TBCK: variants seen among roughly 807,000 people sequenced by gnomAD.
The protein encoded by TBCK is TBC1 domain containing kinase.
A neutral mutation model predicts 113.4 loss-of-function variants in TBCK; 99 were observed. That is an observed-to-expected ratio of 0.87 (90% confidence interval 0.74 to 1.03). The LOEUF is 1.03. TBCK is among the 50% of genes least tolerant of loss of function. The pLI, the probability that TBCK is intolerant of heterozygous loss-of-function variation, is 0.00. For synonymous variants in TBCK, 369 were observed against 370.8 expected (o/e 1.00, Z 0.05); for missense variants, 1,045 against 1,061.3 (o/e 0.98, Z 0.21).
At chr4:106,281,929 TAGA>T (rs1171493254) in intron 3 of TBCK, among the ~76,000 whole-genome samples, 4 of 152,118 alleles carry the variant, frequency 2.6e-5, no homozygotes, top group African/African-American at 9.7e-5. Context: ...AGAATGAGCT[TAGA>T]AGAATTCCTT....
intron 25 of TBCK, among the ~76,000 whole-genome samples, chr4:106,069,773 T>A (rs1210545324): frequency 2.0e-5 from 3 of 152,232 alleles, no homozygotes; most frequent in African/African-American, 7.2e-5. Context: ...TTCCTATCCA[T>A]GAGCATGGAA....
chr4:106,176,592 T>G (rs1375413183), intron 22 of TBCK, among the ~76,000 whole-genome samples: 1 of 152,054 alleles, frequency 6.6e-6, no homozygotes, highest in Non-Finnish European at 1.5e-5. Context: ...TGATAGACAC[T>G]TAAGTTGATT....
chr4:106,080,869 A>G (rs1365350955), intron 25 of TBCK, among the ~76,000 whole-genome samples: 4 of 152,222 alleles, frequency 2.6e-5, no homozygotes, highest in African/African-American at 9.6e-5. Flanking sequence ...AAACATGAAC[A>G]GATACCTCTC....
chr4:106,077,492 A>C (rs1407513571), intron 25 of TBCK, among the ~76,000 whole-genome samples: 1 of 152,230 alleles, frequency 6.6e-6, no homozygotes, highest in African/African-American at 2.4e-5. Flanking sequence ...GGTAAATAGA[A>C]AACAGAAACA....
At chr4:106,260,405 G>C in intron 5 of TBCK, 32 bp downstream of exon 5, 1 of 906,380 alleles carries the variant, frequency 1.1e-6, no homozygotes, top group East Asian at 3.2e-5. Context: ...AAGTTAAAAA[G>C]AAACTCAAAA....
At chr4:106,162,427 C>T (rs1402079101) in intron 23 of TBCK, among the ~76,000 whole-genome samples, 1 of 152,060 alleles carries the variant, frequency 6.6e-6, no homozygotes, top group Non-Finnish European at 1.5e-5. Context: ...GGATGGTGGC[C>T]CTCTTCTCAC....
At chr4:106,280,521 A>T (rs1451680612) in intron 3 of TBCK, among the ~76,000 whole-genome samples, 1 of 152,044 alleles carries the variant, frequency 6.6e-6, no homozygotes, top group Non-Finnish European at 1.5e-5. Flanking sequence ...GTCCTAGTAG[A>T]GAGTTTTCAT....
At chr4:106,116,799 T>C (rs1743570665) in intron 23 of TBCK, among the ~76,000 whole-genome samples, 1 of 152,056 alleles carries the variant, frequency 6.6e-6, no homozygotes, top group African/African-American at 2.4e-5. Context: ...TGATCTGTCA[T>C]TGTCTCCCAT....
At chr4:106,254,946 C>G (rs1466090097) in intron 5 of TBCK, 3 of 164,440 alleles carry the variant, frequency 1.8e-5, no homozygotes, top group South Asian at 3.0e-4. Context: ...AACATACATA[C>G]CTTTTAGTTT....
intron 25 of TBCK, among the ~76,000 whole-genome samples, chr4:106,049,596 CAG>C (rs1401515736): frequency 6.6e-6 from 1 of 151,950 alleles, no homozygotes; most frequent in Non-Finnish European, 1.5e-5. Context: ...TACAGTGGGA[CAG>C]GGGAGAACCA....
intron 3 of TBCK, among the ~76,000 whole-genome samples, chr4:106,294,025 T>C (rs569596363): frequency 6.6e-6 from 1 of 152,330 alleles, no homozygotes; most frequent in African/African-American, 2.4e-5. Context: ...AGTAAATTTA[T>C]TGAGTCTTTG....
chr4:106,274,121 T>C (rs1412489311), intron 3 of TBCK, among the ~76,000 whole-genome samples: 2 of 152,120 alleles, frequency 1.3e-5, no homozygotes, highest in African/African-American at 2.4e-5. Flanking sequence ...ATTGTTTATA[T>C]TAGGGAAATG....
chr4:106,070,724 G>A (rs950022943), intron 25 of TBCK, among the ~76,000 whole-genome samples: 9 of 152,080 alleles, frequency 5.9e-5, no homozygotes, highest in African/African-American at 1.9e-4. Context: ...AATGGTACCC[G>A]CTCGTCTTTG....
chr4:106,215,696 G>A (rs1212971579), intron 19 of TBCK, among the ~76,000 whole-genome samples: 1 of 151,716 alleles, frequency 6.6e-6, no homozygotes, highest in Admixed American at 6.6e-5. Context: ...CTCAATACAG[G>A]AGCACCCAGA....
intron 22 of TBCK, among the ~76,000 whole-genome samples, chr4:106,175,847 T>G (rs1454731149): frequency 6.6e-6 from 1 of 152,118 alleles, no homozygotes; most frequent in Non-Finnish European, 1.5e-5. Context: ...CATATTTACT[T>G]TGGTTTAATA....
At chr4:106,293,258 A>G (rs1216780456) in intron 3 of TBCK, among the ~76,000 whole-genome samples, 1 of 152,140 alleles carries the variant, frequency 6.6e-6, no homozygotes, top group Non-Finnish European at 1.5e-5. Context: ...TCCATTTCCA[A>G]CATCCTATCT....
At chr4:106,194,412 T>C (rs1176363063) in intron 21 of TBCK, among the ~76,000 whole-genome samples, 2 of 152,080 alleles carry the variant, frequency 1.3e-5, no homozygotes, top group Non-Finnish European at 2.9e-5. Context: ...TTAAGCCTGA[T>C]TTGATTGTAA....
chr4:106,171,360 CTAAA>C, intron 22 of TBCK, 90 bp from the exon 23 acceptor site: 1 of 892,714 alleles, frequency 1.1e-6, no homozygotes, highest in Non-Finnish European at 1.7e-6. Flanking sequence ...GTGAATATAT[CTAAA>C]TATGGCTAAG....
At chr4:106,301,397 C>T (rs999185778) in intron 2 of TBCK, among the ~76,000 whole-genome samples, 2 of 152,094 alleles carry the variant, frequency 1.3e-5, no homozygotes, top group Non-Finnish European at 2.9e-5. Flanking sequence ...TTACCATCTT[C>T]ACTCTGCTTC....
Sources: allele counts gnomAD v4.1 joint callset (sites outside exome capture counted in the v4.1 genomes callset), GRCh38; gene constraint gnomAD v4.1.1; transcripts MANE v1.5; gene names NCBI Gene and HGNC (gene_info 2026-07-23, HGNC 2026-07-21).